The following CCDC7 variants were observed in gnomAD, a reference collection of about 807,000 sequenced individuals.
CCDC7 encodes coiled-coil domain-containing protein 7.
CCDC7 carries 183 observed loss-of-function variants against 196.9 expected under a neutral mutation model. The observed-to-expected ratio is 0.93, with a 90% CI of 0.82 to 1.05. The LOEUF is 1.05. Ranked by LOEUF, CCDC7 falls within the 50% of genes least tolerant of loss-of-function variation. The pLI is 0.00. For synonymous variants in CCDC7, 525 were observed against 484.6 expected (o/e 1.08, Z -1.10); for missense variants, 1,540 against 1,482.2 (o/e 1.04, Z -0.64).
chr10:32,689,652 C>G (rs779329291), intron 23 of CCDC7, among the ~76,000 whole-genome samples: 8 of 152,108 alleles, frequency 5.3e-5, no homozygotes, highest in Non-Finnish European at 1.0e-4. Context: ...TTTCTGGTAA[C>G]CCCATAGATG....
chr10:32,551,033 C>CT lies in CCDC7; in HGVS notation c.1134+6740dup, dbSNP rs1364855669. On this transcript the variant is annotated intron_variant, in intron 13 of 41. Coordinates refer to ENST00000639629, the Ensembl canonical transcript of CCDC7. ...GCTGTGAATCCATCTGGTCCTGGCCCTTTTTTTTGTTGGTAATTTTTAAAT... is the reference window on the plus strand; with the variant it reads ...GCTGTGAATCCATCTGGTCCTGGCCCTTTTTTTTTGTTGGTAATTTTTAAAT... Among the ~76,000 whole-genome samples the CT allele has an allele frequency of 3.5e-4, 53 of 151,700 alleles. 1 individual carries two copies. The highest frequency in any genetic ancestry group is 3.1e-3 in the Admixed American group (47 of 15,222).
At chr10:32,633,750 G>GTA (rs2139565653) in intron 18 of CCDC7, among the ~76,000 whole-genome samples, 1 of 149,884 alleles carries the variant, frequency 6.7e-6, no homozygotes, top group African/African-American at 2.4e-5. Flanking sequence ...GTGTGTGTGT[G>GTA]TGTATATATA....
intron 13 of CCDC7, among the ~76,000 whole-genome samples, chr10:32,561,652 T>C (rs1417500746): frequency 6.6e-6 from 1 of 152,150 alleles, no homozygotes; most frequent in East Asian, 1.9e-4. Flanking sequence ...TTCAACGCAG[T>C]GTGTAGAGGG....
chr10:32,445,438 C>T (rs2030720252), upstream of CCDC7, among the ~76,000 whole-genome samples: 1 of 151,980 alleles, frequency 6.6e-6, no homozygotes, highest in Non-Finnish European at 1.5e-5. Context: ...TCCTTTAAAC[C>T]TCCTGGTTTT....
intron 20 of CCDC7, among the ~76,000 whole-genome samples, chr10:32,645,220 G>A (rs1001386854): frequency 6.6e-6 from 1 of 152,148 alleles, no homozygotes; most frequent in Non-Finnish European, 1.5e-5. Flanking sequence ...AGGATATGGA[G>A]AAAAGGGAAC....
chr10:32,554,819 A>T (rs2054085939), intron 13 of CCDC7, among the ~76,000 whole-genome samples: 1 of 152,034 alleles, frequency 6.6e-6, no homozygotes, highest in Admixed American at 6.6e-5. Context: ...TTCTAATTAT[A>T]TTTTTGTACT....
intron 21 of CCDC7, among the ~76,000 whole-genome samples, chr10:32,665,841 CTTT>C (rs931341376): frequency 6.6e-6 from 1 of 151,860 alleles, no homozygotes; most frequent in Non-Finnish European, 1.5e-5. Context: ...CATGGGATAT[CTTT>C]TTATTTATTT....
intron 32 of CCDC7, among the ~76,000 whole-genome samples, chr10:32,826,472 C>A (rs1169418157): frequency 6.6e-6 from 1 of 152,160 alleles, no homozygotes; most frequent in African/African-American, 2.4e-5. Context: ...ACCCATCTAG[C>A]CATAGAGTGG....
At chr10:32,759,931 G>A (rs557025180) in intron 28 of CCDC7, among the ~76,000 whole-genome samples, 1,564 of 151,976 alleles carry the variant, frequency 0.01, 28 homozygotes, top group African/African-American at 0.029. Flanking sequence ...AAAAGTGGGC[G>A]AAGGATATGA....
intron 18 of CCDC7, among the ~76,000 whole-genome samples, chr10:32,619,400 TATG>T (rs1169625213): frequency 1.3e-5 from 2 of 152,016 alleles, no homozygotes; most frequent in African/African-American, 2.4e-5. Flanking sequence ...GTATTAAAAT[TATG>T]ATGAAAAAGG....
chr10:32,523,383 T>TA (rs924938147), intron 11 of CCDC7, among the ~76,000 whole-genome samples: 1 of 151,862 alleles, frequency 6.6e-6, no homozygotes, highest in African/African-American at 2.4e-5. Context: ...CTGTCTCTAC[T>TA]AAAAAATACG....
chr10:32,504,772 G>C (rs993151462), intron 9 of CCDC7, among the ~76,000 whole-genome samples: 1 of 152,076 alleles, frequency 6.6e-6, no homozygotes, highest in African/African-American at 2.4e-5. Flanking sequence ...AAATATACTT[G>C]ATATGACTTC....
At chr10:32,765,102 A>G (rs1316657907) in intron 28 of CCDC7, among the ~76,000 whole-genome samples, 1 of 151,922 alleles carries the variant, frequency 6.6e-6, no homozygotes, top group African/African-American at 2.4e-5. Context: ...CAATTCCCAG[A>G]CTTGATCAAG....
intron 21 of CCDC7, 128 bp from the exon 23 acceptor site, chr10:32,685,842 A>G (rs1458238341): frequency 3.5e-6 from 2 of 573,058 alleles, no homozygotes; most frequent in Non-Finnish European, 6.1e-6. Flanking sequence ...TTATTATTGT[A>G]ATTTAGTTAT....
intron 5 of CCDC7, 119 bp downstream of exon 6, chr10:32,463,168 G>A: frequency 7.7e-7 from 1 of 1,299,348 alleles, no homozygotes; most frequent in Non-Finnish European, 1.1e-6. Context: ...TGGTTATAAA[G>A]TAACCTTTTG....
chr10:32,461,638 G>A (rs2035637824), intron 3 of CCDC7, among the ~76,000 whole-genome samples: 1 of 145,834 alleles, frequency 6.9e-6, no homozygotes, highest in African/African-American at 2.5e-5. Flanking sequence ...GCTGCTGTAT[G>A]AAAAAAATAT....
intron 18 of CCDC7, among the ~76,000 whole-genome samples, chr10:32,632,183 A>C (rs1161622125): frequency 6.7e-6 from 1 of 148,522 alleles, no homozygotes; most frequent in African/African-American, 2.5e-5. Flanking sequence ...ACTCCATTGT[A>C]GTGTTAAACA....
intron 21 of CCDC7, among the ~76,000 whole-genome samples, chr10:32,680,182 T>C (rs999631113): frequency 8.5e-5 from 13 of 152,254 alleles, no homozygotes; most frequent in African/African-American, 2.9e-4. Flanking sequence ...CTAGACAGAT[T>C]ATGGGAGACA....
At chr10:32,697,146 G>A (rs916256360) in intron 24 of CCDC7, among the ~76,000 whole-genome samples, 1 of 152,284 alleles carries the variant, frequency 6.6e-6, no homozygotes, top group East Asian at 1.9e-4. Flanking sequence ...CCCATGTGAG[G>A]CATGAAAGAC....
Sources: allele counts gnomAD v4.1 joint callset (sites outside exome capture counted in the v4.1 genomes callset), GRCh38; gene constraint gnomAD v4.1.1; transcripts MANE v1.5; gene names NCBI Gene and HGNC (gene_info 2026-07-23, HGNC 2026-07-21).